Variants in NBAS observed in about 807,000 individuals in gnomAD.
NBAS encodes NAG/BC035112 fusion.
Under a neutral mutation model 302.5 loss-of-function variants are expected in NBAS, and 219 were observed. The observed-to-expected ratio is 0.72, with a 90% CI of 0.65 to 0.81. NBAS has a LOEUF of 0.81. Ranked by LOEUF, NBAS falls within the 30% of genes least tolerant of loss-of-function variation. The pLI, the probability that NBAS is intolerant of heterozygous loss-of-function variation, is 0.00. For synonymous variants in NBAS, 1,118 were observed against 1,021.6 expected (o/e 1.09, Z -1.80); for missense variants, 2,932 against 2,841.6 (o/e 1.03, Z -0.72).
At chr2:15,092,902 A>C in the NBAS span, among the ~76,000 whole-genome samples, 1 of 152,196 alleles carries the variant, frequency 6.6e-6, no homozygotes, top group South Asian at 2.1e-4. Flanking sequence ...GTGGAAGAAG[A>C]AGCAAGACAA....
At chr2:15,472,715 C>T (rs990053825) in intron 16 of NBAS, among the ~76,000 whole-genome samples, 1 of 152,170 alleles carries the variant, frequency 6.6e-6, no homozygotes, top group Non-Finnish European at 1.5e-5. Flanking sequence ...TGCAACCACT[C>T]CTGGTCCAAT....
chr2:15,426,391 C>T (rs539259972), intron 22 of NBAS, among the ~76,000 whole-genome samples: 1 of 152,224 alleles, frequency 6.6e-6, no homozygotes, highest in South Asian at 2.1e-4. Flanking sequence ...AAGCAATAGG[C>T]TTGAATTATT....
intron 44 of NBAS, among the ~76,000 whole-genome samples, chr2:15,265,847 T>C (rs1476511682): frequency 6.6e-6 from 1 of 151,966 alleles, no homozygotes; most frequent in Non-Finnish European, 1.5e-5. Context: ...GAGCAAAAAG[T>C]GAAGAATAAA....
chr2:15,477,481 G>A (rs1342339785), intron 13 of NBAS, among the ~76,000 whole-genome samples: 3 of 152,234 alleles, frequency 2.0e-5, no homozygotes, highest in African/African-American at 7.2e-5. Flanking sequence ...GGCTGGTCTT[G>A]AACTCCCGAC....
chr2:14,818,481 G>A, the NBAS span, among the ~76,000 whole-genome samples: 1 of 152,182 alleles, frequency 6.6e-6, no homozygotes, highest in Non-Finnish European at 1.5e-5. Context: ...CAGAATCACA[G>A]TTAGGTTGTG....
chr2:15,156,271 C>T, the NBAS span, among the ~76,000 whole-genome samples: 1 of 152,110 alleles, frequency 6.6e-6, no homozygotes, highest in Non-Finnish European at 1.5e-5. Context: ...AGGCCTCTTC[C>T]TAGAAGCAGG....
intron 26 of NBAS, among the ~76,000 whole-genome samples, chr2:15,400,198 G>A (rs1676079806): frequency 6.6e-6 from 1 of 151,092 alleles, no homozygotes; most frequent in Non-Finnish European, 1.5e-5. Flanking sequence ...TTCCAAGAAG[G>A]ATGTTTCAAA....
intron 44 of NBAS, among the ~76,000 whole-genome samples, chr2:15,270,733 C>T (rs1233652011): frequency 1.3e-5 from 2 of 152,164 alleles, no homozygotes; most frequent in African/African-American, 2.4e-5. Flanking sequence ...ATTAACATAA[C>T]TTAAAAATTC....
chr2:15,489,093 C>T, intron 11 of NBAS, 71 bp from the exon 12 acceptor site: 4 of 1,546,426 alleles, frequency 2.6e-6, no homozygotes, highest in Non-Finnish European at 2.7e-6. Context: ...GTAAATGACA[C>T]TCTTTAGAGG....
At position 15,467,378 on chromosome 2, in the gene NBAS, CG is replaced by C. The variant is rs1679768370; in HGVS notation, c.2047del (p.Arg683ValfsTer7). On this transcript the variant is annotated frameshift_variant, in exon 19 of 52. Coordinates refer to ENST00000281513, the MANE Select transcript of NBAS (RefSeq NM_015909.4). LOFTEE classifies it high-confidence loss of function. ...GTAGGTTAATAACTTCCGTCTACAACGGCAAAGTTCCTTTTGTTCCAGTGTC... is the reference window on the plus strand; with the variant it reads ...GTAGGTTAATAACTTCCGTCTACAACGCAAAGTTCCTTTTGTTCCAGTGTC... Reference protein sequence around the residue: ...KLTLEQKELCRCRRKLLTYLD... With the variant: ...KLTLEQKELCXCRRKLLTYLD... The C allele has an allele frequency of 6.2e-7, 1 of 1,613,326 alleles. No individual in the cohort carries two copies. The highest frequency in any genetic ancestry group is 1.3e-5 in the African/African-American group (1 of 74,892).
downstream of NBAS, among the ~76,000 whole-genome samples, chr2:15,166,279 T>C (rs1369284421): frequency 6.6e-6 from 1 of 152,204 alleles, no homozygotes; most frequent in Admixed American, 6.5e-5. Context: ...GTGTGCATGC[T>C]GGCTCTGTTC....
intron 9 of NBAS, among the ~76,000 whole-genome samples, chr2:15,524,813 A>C (rs541400747): frequency 1.2e-4 from 18 of 151,152 alleles, no homozygotes; most frequent in Admixed American, 9.9e-4. Flanking sequence ...TTTTTTTTTA[A>C]TTCTCAACAG....
rs1184910301 is a variant in NBAS at position 15,223,533 on chromosome 2, T to C, written c.6237-4565A>G. On this transcript the variant is annotated intron_variant, in intron 47 of 51. Coordinates refer to ENST00000281513, the MANE Select transcript of NBAS (RefSeq NM_015909.4). ...AAGAACATCATTATTTCAAAACTTA[T>C]TTACTTCATTATAAGGGTAATACAA... Among the ~76,000 whole-genome samples, 11 of 152,270 alleles carry C rather than the reference T, an allele frequency of 7.2e-5. 1 individual carries two copies. In the South Asian group the frequency reaches 2.1e-3, roughly 29 times the overall value.
At chr2:15,417,774 A>G (rs1677020740) in intron 23 of NBAS, 62 bp from the exon 24 acceptor site, 1 of 1,478,930 alleles carries the variant, frequency 6.8e-7, no homozygotes, top group Non-Finnish European at 9.3e-7. Context: ...ATTCTAAAGT[A>G]AAAGTCTCCA....
chr2:15,110,410 T>C, the NBAS span, among the ~76,000 whole-genome samples: 1 of 152,176 alleles, frequency 6.6e-6, no homozygotes. Context: ...ATAATTGTTC[T>C]AGTAACTTCT....
intron 33 of NBAS, among the ~76,000 whole-genome samples, chr2:15,354,409 T>G (rs563852947): frequency 6.6e-6 from 1 of 152,310 alleles, no homozygotes; most frequent in South Asian, 2.1e-4. Flanking sequence ...AGTACAAAAC[T>G]TGTAGTACAG....
chr2:15,403,770 TG>T (rs1676266754), intron 25 of NBAS, among the ~76,000 whole-genome samples: 1 of 152,064 alleles, frequency 6.6e-6, no homozygotes, highest in African/African-American at 2.4e-5. Context: ...AGTGACTAAC[TG>T]GTAAAATAGG....
chr2:15,348,915 T>G (rs1673221482), intron 35 of NBAS, among the ~76,000 whole-genome samples: 1 of 152,036 alleles, frequency 6.6e-6, no homozygotes, highest in Admixed American at 6.6e-5. Context: ...AGAGAATGCT[T>G]AGGGAATATA....
intron 48 of NBAS, among the ~76,000 whole-genome samples, chr2:15,196,376 C>T (rs755518514): frequency 2.0e-5 from 3 of 152,032 alleles, no homozygotes; most frequent in Admixed American, 6.6e-5. Flanking sequence ...GTCAATATCC[C>T]GGTTGGATAT....
Sources: allele counts gnomAD v4.1 joint callset (sites outside exome capture counted in the v4.1 genomes callset), GRCh38; gene constraint gnomAD v4.1.1; transcripts MANE v1.5; gene names NCBI Gene and HGNC (gene_info 2026-07-23, HGNC 2026-07-21).